Variants in CDH4 observed in about 807,000 individuals in gnomAD.
CDH4 encodes the protein cadherin-4.
In CDH4, 33 loss-of-function variants were observed where a neutral mutation model predicts 86.0. That is an observed-to-expected ratio of 0.38 (90% CI 0.29 to 0.51). CDH4 has a LOEUF of 0.51. Ranked by LOEUF, CDH4 falls within the 20% of genes least tolerant of loss-of-function variation. The probability of loss-of-function intolerance (pLI) is 0.86; values close to 1 mark genes in which losing one functional copy is unlikely to be tolerated. For synonymous variants in CDH4, 555 were observed against 549.4 expected (o/e 1.01, Z -0.14); for missense variants, 1,114 against 1,307.4 (o/e 0.85, Z 2.28).
chr20:61,866,174 T>G (rs1245117144), intron 6 of CDH4, among the ~76,000 whole-genome samples: 1 of 152,124 alleles, frequency 6.6e-6, no homozygotes, highest in Non-Finnish European at 1.5e-5. Context: ...GCATGGGGGA[T>G]TTTGTTTATG....
At chr20:61,382,564 C>T (rs1250359178) in intron 2 of CDH4, among the ~76,000 whole-genome samples, 1 of 152,212 alleles carries the variant, frequency 6.6e-6, no homozygotes, top group Admixed American at 6.5e-5. Flanking sequence ...AACTAGGGGA[C>T]TTAAAACCAC....
At position 61,811,712 on chromosome 20, in the gene CDH4, C is replaced by A. The variant is rs1357499656; in HGVS notation, c.577-32956C>A. 6.6e-6 allele frequency among the ~76,000 whole-genome samples: 1 copy of A among 151,166 alleles called. No homozygotes were observed. The highest frequency in any genetic ancestry group is 1.9e-4 in the East Asian group (1 of 5,144). On this transcript the variant is annotated intron_variant, in intron 4 of 15. Transcript: ENST00000614565. This position sits in a 1 kb window ranked among gnomAD's most constrained non-coding sequence, Gnocchi z 4.4. ...TTTTTTTTTTTTTTGAGTTGGCACC[C>A]CCAGGCTGGAGTGCAGTGCCACGAT...
At chr20:61,809,365 G>A (rs146959697) in intron 4 of CDH4, among the ~76,000 whole-genome samples, 54 of 152,250 alleles carry the variant, frequency 3.5e-4, no homozygotes, top group African/African-American at 8.7e-4. Flanking sequence ...CTTAAATGTC[G>A]TGGCAAATTG....
intron 2 of CDH4, among the ~76,000 whole-genome samples, chr20:61,546,155 T>TGGGTGTGTGTG (rs79582664): frequency 1.6e-5 from 2 of 121,640 alleles, no homozygotes; most frequent in African/African-American, 3.3e-5. Context: ...TTCACATTCG[T>TGGGTGTGTGTG]GAGGGTGTGT....
intron 12 of CDH4, 142 bp downstream of exon 12, chr20:61,928,565 T>C: frequency 1.4e-6 from 1 of 691,980 alleles, no homozygotes; most frequent in South Asian, 1.8e-5. Context: ...CTGGGGACAC[T>C]GGCCACGCTT....
intron 2 of CDH4, among the ~76,000 whole-genome samples, chr20:61,559,509 A>AT (rs1347282522): frequency 1.1e-4 from 12 of 107,796 alleles, no homozygotes; most frequent in Admixed American, 1.9e-4. Flanking sequence ...TTTCTTTTTA[A>AT]TTTTTTTTTC....
chr20:61,744,721 C>T (rs1426950418), intron 3 of CDH4, among the ~76,000 whole-genome samples: 1 of 152,188 alleles, frequency 6.6e-6, no homozygotes, highest in Non-Finnish European at 1.5e-5. Context: ...GGGGCGCCTT[C>T]ACCATGCCCT....
chr20:61,558,335 G>GC (rs991554790), intron 2 of CDH4, among the ~76,000 whole-genome samples: 2 of 152,012 alleles, frequency 1.3e-5, no homozygotes, highest in Admixed American at 1.3e-4. Flanking sequence ...AGTGGCACCT[G>GC]CCCCCCAAGT....
intron 2 of CDH4, among the ~76,000 whole-genome samples, chr20:61,451,959 T>G (rs904225350): frequency 1.3e-5 from 2 of 152,196 alleles, no homozygotes; most frequent in African/African-American, 2.4e-5. Flanking sequence ...ACACTTAACT[T>G]CACTTTATAA....
At chr20:61,766,943 A>G (rs370696152) in intron 3 of CDH4, among the ~76,000 whole-genome samples, 27 of 152,320 alleles carry the variant, frequency 1.8e-4, no homozygotes, top group African/African-American at 5.8e-4. Flanking sequence ...CTCTGCACCA[A>G]TCGTGGGCCC....
chr20:61,741,306 C>T (rs2088330399), intron 2 of CDH4, among the ~76,000 whole-genome samples: 1 of 152,218 alleles, frequency 6.6e-6, no homozygotes, highest in Non-Finnish European at 1.5e-5. Context: ...ACGGAGCTGC[C>T]TTTGAGGGCG....
chr20:61,312,116 G>A lies in CDH4; in HGVS notation c.169+57179G>A, dbSNP rs561453403. Among the ~76,000 whole-genome samples, 22 of 24,166 alleles carry A rather than the reference G, an allele frequency of 9.1e-4. No individual in the cohort carries two copies. The East Asian group carries it at 0.035, about 38-fold the overall frequency. 15.9% of individuals were successfully genotyped at this position (24,166 alleles called of 152,430 possible). A position where few individuals can be genotyped will look rare whatever the true frequency, so the allele number is the denominator to read the frequency against. ...TGTGCATGTGTGTGATGTGTGGTGT[G>A]TGCATGTGGGTGGTGTGTGTGTGGT... On this transcript the variant is annotated intron_variant, in intron 2 of 15. Coordinates refer to ENST00000614565, the MANE Select transcript of CDH4 (RefSeq NM_001794.5).
At chr20:61,481,609 A>C (rs1042085211) in intron 2 of CDH4, among the ~76,000 whole-genome samples, 1 of 152,240 alleles carries the variant, frequency 6.6e-6, no homozygotes, top group African/African-American at 2.4e-5. Context: ...GAGGGTGTGC[A>C]AGCTTTGAGG....
At position 61,938,366 on chromosome 20, in the gene CDH4, A is replaced by AACTC. The variant is rs2055221949; in HGVS notation, c.*1425_*1428dup. On this transcript the variant is annotated 3_prime_UTR_variant, in exon 16 of 16. Coordinates refer to ENST00000614565, the MANE Select transcript of CDH4 (RefSeq NM_001794.5). The stretch of plus-strand genomic sequence containing the variant: ...GCTGCCTGTGCTCACTGCATGAGAA[A>AACTC]ACTCAGAGGGTGCATTCTCCCTCTG... 6.6e-6 allele frequency: 1 copy of AACTC among 152,146 alleles called. No individual in the cohort carries two copies. The highest frequency in any genetic ancestry group is 6.5e-5 in the Admixed American group (1 of 15,280). 9.4% of individuals were successfully genotyped at this position (152,146 alleles called of 1,614,324 possible). A position where few individuals can be genotyped will look rare whatever the true frequency, so the allele number is the denominator to read the frequency against.
intron 15 of CDH4, among the ~76,000 whole-genome samples, chr20:61,934,778 C>T (rs1211308713): frequency 6.6e-5 from 10 of 151,508 alleles, no homozygotes; most frequent in Middle Eastern, 6.8e-3. Flanking sequence ...GGGAGCCACA[C>T]AGAGGTGGCT....
At chr20:61,363,695 T>G (rs1013516481) in intron 2 of CDH4, among the ~76,000 whole-genome samples, 5 of 152,206 alleles carry the variant, frequency 3.3e-5, no homozygotes, top group African/African-American at 1.2e-4. Context: ...AAGTTGCCCC[T>G]TCGAGGAGAG....
rs374211208 is a variant in CDH4 at position 61,518,475 on chromosome 20, T to A, written c.170-225088T>A. Among the ~76,000 whole-genome samples, 486 of 152,074 alleles carry A rather than the reference T, an allele frequency of 3.2e-3. 3 individuals carry two copies. The highest frequency in any genetic ancestry group is 0.011 in the African/African-American group (440 of 41,472). On this transcript the variant is annotated intron_variant, in intron 2 of 15. Transcript: ENST00000614565. The surrounding 1 kb of genome is among the most constrained non-coding windows in gnomAD (Gnocchi z 6.3). The stretch of plus-strand genomic sequence containing the variant: ...CCGTCATCCACCCATCGTCCATCCA[T>A]CCATCCTTCCATCATTGATTCATCA...
At chr20:61,888,342 T>C (rs1984639219) in intron 7 of CDH4, among the ~76,000 whole-genome samples, 1 of 152,146 alleles carries the variant, frequency 6.6e-6, no homozygotes, top group African/African-American at 2.4e-5. Context: ...GCCTCCTACC[T>C]AGAGGCAGAG....
chr20:61,734,390 A>G (rs920417766), intron 2 of CDH4, among the ~76,000 whole-genome samples: 1 of 152,200 alleles, frequency 6.6e-6, no homozygotes, highest in Non-Finnish European at 1.5e-5. Flanking sequence ...GAGTTGTTGT[A>G]TGTGAGGTTT....
Sources: allele counts gnomAD v4.1 joint callset (sites outside exome capture counted in the v4.1 genomes callset), GRCh38; gene constraint gnomAD v4.1.1; non-coding constraint Gnocchi (gnomAD v3.1); transcripts MANE v1.5; gene names NCBI Gene and HGNC (gene_info 2026-07-23, HGNC 2026-07-21).